The following N4BP3 variants were observed in gnomAD, a reference collection of about 807,000 sequenced individuals.
N4BP3 encodes NEDD4-binding protein 3.
Under a neutral mutation model 43.8 loss-of-function variants are expected in N4BP3, and 33 were observed. That is an observed-to-expected ratio of 0.75 (90% CI 0.57 to 1.01). N4BP3 has a LOEUF of 1.01. Ranked by LOEUF, N4BP3 falls within the 50% of genes least tolerant of loss-of-function variation. The pLI is 0.00. For synonymous variants in N4BP3, 326 were observed against 321.9 expected (o/e 1.01, Z -0.14); for missense variants, 756 against 744.2 (o/e 1.02, Z -0.18).
At position 178,113,644 on chromosome 5, in the gene N4BP3, C is replaced by A. The variant is rs550408569; in HGVS notation, c.-158C>A. ...CGCGTTTTCCCGGCGCCTGCCGCTC[C>A]GCCGCTCCGACCCGGCACGCAGTCC... On this transcript the variant is annotated 5_prime_UTR_variant, in exon 1 of 5. Coordinates refer to ENST00000274605, the MANE Select transcript of N4BP3 (RefSeq NM_015111.2). 3 of 151,994 alleles carry A rather than the reference C, an allele frequency of 2.0e-5. No homozygotes were observed. The East Asian group carries it at 5.8e-4, about 29-fold the overall frequency. The allele number at this position is 151,994 out of a possible 1,614,324, so 9.4% of individuals were successfully genotyped here.
intron 3 of N4BP3, 55 bp from the exon 4 acceptor site, chr5:178,121,043 C>CT (rs1158967733): frequency 1.3e-6 from 2 of 1,559,302 alleles, no homozygotes; most frequent in Admixed American, 1.8e-5. Context: ...AGGTGGAGCT[C>CT]TGAGTCGCCT....
rs779777388 is a variant in N4BP3, at chr5:178,121,636, G to C, written c.1270G>C (p.Glu424Gln). ...AQDAELVRLR[E>Q]AVRSLQEQAP... is the part of the protein sequence containing the mutation. Reference sequence around the variant, plus strand: ...GGACGCAGAGCTGGTCCGGCTGCGCGAGGCTGTGCGCAGCCTGCAGGAGCA... The same window carrying C: ...GGACGCAGAGCTGGTCCGGCTGCGCCAGGCTGTGCGCAGCCTGCAGGAGCA... The change falls in exon 5 of 5, where the codon GAG (glutamate) becomes CAG (glutamine). Residue 424 changes from glutamate (E) to glutamine (Q), a missense_variant. Glu to Gln is a conservative substitution (Grantham distance 29, BLOSUM62 2). Transcript: ENST00000274605. The C allele has an allele frequency of 1.2e-6, 2 of 1,612,572 alleles. No individual in the cohort carries two copies. The highest frequency in any genetic ancestry group is 1.7e-6 in the Non-Finnish European group (2 of 1,179,880).
At chr5:178,126,265 G>A (rs1758062808), downstream of N4BP3, among the ~76,000 whole-genome samples, 1 of 107,298 alleles carries the variant, frequency 9.3e-6, no homozygotes, top group Admixed American at 1.1e-4. Flanking sequence ...TGCAACCTCC[G>A]CCTCCCGAGT....
In N4BP3 at chr5:178,118,532, G is replaced by A. The variant is rs1169567645; in HGVS notation, c.-30-1022G>A. Among the ~76,000 whole-genome samples the A allele has an allele frequency of 6.6e-6, 1 of 152,174 alleles. No individual in the cohort carries two copies. Among genetic ancestry groups the A allele is most frequent in the Non-Finnish European group, 1.5e-5 (1 of 68,036 alleles). ...TAAGAGCATATACAGGGGCTGGAGT[G>A]AGTCCAGCTGCCCCTTCCCTCCTCC... is the stretch of plus-strand genomic sequence containing the variant. On this transcript the variant is annotated intron_variant, in intron 1 of 4. Coordinates refer to ENST00000274605, the MANE Select transcript of N4BP3 (RefSeq NM_015111.2). This position sits in a 1 kb window ranked among gnomAD's most constrained non-coding sequence, Gnocchi z 5.4.
Position 178,125,013 on chromosome 5 carries a change from G to A in N4BP3, c.*3012G>A, listed in dbSNP as rs1459849153. On this transcript the variant is annotated 3_prime_UTR_variant, in exon 5 of 5. Transcript: ENST00000274605. ...GCTCCAGAAGGCACTGGTGGGATGT[G>A]GAGTCAGGAGCAACCAGAGACCCCC... 6.6e-6 allele frequency: 1 copy of A among 152,306 alleles called. No individual in the cohort carries two copies. The highest frequency in any genetic ancestry group is 1.5e-5 in the Non-Finnish European group (1 of 68,092). The allele number at this position is 152,306 out of a possible 1,614,324, so 9.4% of individuals were successfully genotyped here. A position where few individuals can be genotyped will look rare whatever the true frequency, so the allele number is the denominator to read the frequency against.
At chr5:178,126,443 G>A (rs1196417677), downstream of N4BP3, among the ~76,000 whole-genome samples, 2 of 152,190 alleles carry the variant, frequency 1.3e-5, no homozygotes, top group Non-Finnish European at 2.9e-5. Flanking sequence ...CTCCCAAAGT[G>A]CTCGGATTAT....
Position 178,120,501 on chromosome 5 carries a change from C to G in N4BP3, c.654C>G (p.Leu218=). The stretch of plus-strand genomic sequence containing the variant: ...CCTCCCTTGGCCACCTTAACCACCT[C>G]GGGGGCTCCCTGGACCGGGCCTCTC... ...FSSSLGHLNH[L]GGSLDRASQG... The change falls in exon 3 of 5, where the codon CTC becomes CTG. Residue 218 remains leucine (L), a synonymous_variant. Coordinates refer to ENST00000274605, the MANE Select transcript of N4BP3 (RefSeq NM_015111.2). 5 of 1,613,078 alleles carry G rather than the reference C, an allele frequency of 3.1e-6. No homozygotes were observed. Among genetic ancestry groups the G allele is most frequent in the Non-Finnish European group, 4.2e-6 (5 of 1,180,028 alleles).
intron 3 of N4BP3, 122 bp from the exon 4 acceptor site, chr5:178,120,976 T>C: frequency 7.4e-7 from 1 of 1,350,686 alleles, no homozygotes; most frequent in Non-Finnish European, 9.8e-7. Context: ...TTAAAGCGCA[T>C]GTGTGGCTGG....
Position 178,120,495 on chromosome 5 carries a change from C to G in N4BP3, c.648C>G (p.Asn216Lys), listed in dbSNP as rs1457118056. The G allele has an allele frequency of 1.2e-5, 19 of 1,612,986 alleles. No individual in the cohort carries two copies. Among genetic ancestry groups the G allele is most frequent in the Non-Finnish European group, 1.6e-5 (19 of 1,180,040 alleles). Reference sequence around the variant, plus strand: ...TCAGCTCCTCCCTTGGCCACCTTAACCACCTCGGGGGCTCCCTGGACCGGG... The same window carrying G: ...TCAGCTCCTCCCTTGGCCACCTTAAGCACCTCGGGGGCTCCCTGGACCGGG... ...SPFSSSLGHLNHLGGSLDRAS... is the reference protein window; with the variant it reads ...SPFSSSLGHLKHLGGSLDRAS... The change falls in exon 3 of 5, where the codon AAC becomes AAG. Residue 216 changes from asparagine to lysine, a missense_variant. Asn to Lys is a moderately conservative substitution (Grantham distance 94). Transcript: ENST00000274605.
chr5:178,121,385 C>T (rs775173273), intron 4 of N4BP3, 33 bp downstream of exon 4: 1 of 1,609,932 alleles, frequency 6.2e-7, no homozygotes, highest in Non-Finnish European at 8.5e-7. Context: ...GAGACTCTCC[C>T]ATCTCCATTG....
chr5:178,114,856 C>A (rs933887391), intron 1 of N4BP3, among the ~76,000 whole-genome samples: 1 of 152,184 alleles, frequency 6.6e-6, no homozygotes, highest in Non-Finnish European at 1.5e-5. Context: ...CCTGGTGGAC[C>A]GCAGTCTAGG....
rs1757896864 is a variant in N4BP3 at position 178,120,618 on chromosome 5, A to C, written c.771A>C (p.Glu257Asp). ...AGTTCTCCTGCTCCTCTGCCGAGGA[A>C]ATGGGAGCCGTGCTGCCCGAGACCT... The part of the protein sequence containing the change: ...PYEFSCSSAE[E>D]MGAVLPETCE... The change falls in exon 3 of 5, where the codon GAA (glutamate) becomes GAC (aspartate). Residue 257 changes from glutamate (E) to aspartate (D), a missense_variant. Physicochemically the swap from Glu to Asp is conservative, Grantham distance 45. Transcript: ENST00000274605. The C allele has an allele frequency of 6.2e-7, 1 of 1,610,764 alleles. No individual in the cohort carries two copies. Among genetic ancestry groups the C allele is most frequent in the Non-Finnish European group, 8.5e-7 (1 of 1,179,962 alleles).
chr5:178,114,860 G>A (rs986758276), intron 1 of N4BP3, among the ~76,000 whole-genome samples: 42 of 152,382 alleles, frequency 2.8e-4, no homozygotes, highest in Middle Eastern at 3.4e-3. Context: ...GTGGACCGCA[G>A]TCTAGGGCAG....
At chr5:178,115,525 C>T (rs1230862350) in intron 1 of N4BP3, among the ~76,000 whole-genome samples, 1 of 152,230 alleles carries the variant, frequency 6.6e-6, no homozygotes, top group Admixed American at 6.5e-5. Context: ...GAATGTCCCA[C>T]CCCAGAGGAG....
rs1049620252 is a variant in N4BP3, at chr5:178,122,911, AG to A, written c.*911del. The A allele has an allele frequency of 6.6e-6, 1 of 152,250 alleles. No individual in the cohort carries two copies. Among genetic ancestry groups the A allele is most frequent in the Non-Finnish European group, 1.5e-5 (1 of 68,078 alleles). The allele number at this position is 152,250 out of a possible 1,614,324, so 9.4% of individuals were successfully genotyped here. The stretch of plus-strand genomic sequence containing the variant: ...GGCAAGCTTATGGGTTTCTTGGTAA[AG>A]AGCCTTTACCACAGCAAGGAATGGG... On this transcript the variant is annotated 3_prime_UTR_variant, in exon 5 of 5. Transcript: ENST00000274605.
intron 2 of N4BP3, 83 bp downstream of exon 2, chr5:178,119,996 C>T (rs1007389627): frequency 2.2e-5 from 32 of 1,487,654 alleles, no homozygotes; most frequent in Middle Eastern, 3.6e-4. Context: ...GGGGTGGGGA[C>T]GGGGCATGCT....
At position 178,118,150 on chromosome 5, in the gene N4BP3, G is replaced by A. The variant is rs1220065115; in HGVS notation, c.-30-1404G>A. Among the ~76,000 whole-genome samples the A allele has an allele frequency of 1.3e-5, 2 of 152,200 alleles. No individual in the cohort carries two copies. The highest frequency in any genetic ancestry group is 2.9e-5 in the Non-Finnish European group (2 of 68,028). ...CACGCCCGCTCCATGCTGGGCACTG[G>A]GCTGTGCAGAGGATCCCCAGGGGAC... is the stretch of plus-strand genomic sequence containing the variant. On this transcript the variant is annotated intron_variant, in intron 1 of 4. Transcript: ENST00000274605. This position sits in a 1 kb window ranked among gnomAD's most constrained non-coding sequence, Gnocchi z 5.4.
Position 178,121,792 on chromosome 5 carries a change from C to A in N4BP3, c.1426C>A (p.Arg476=), listed in dbSNP as rs1561618885. 2 of 1,608,610 alleles carry A rather than the reference C, an allele frequency of 1.2e-6. No individual in the cohort carries two copies. Among genetic ancestry groups the A allele is most frequent in the Admixed American group, 1.7e-5 (1 of 59,782 alleles). Residue 476 remains arginine (R), a synonymous_variant, in exon 5 of 5, where the codon CGA becomes AGA. Coordinates refer to ENST00000274605, the MANE Select transcript of N4BP3 (RefSeq NM_015111.2). ...GCTGCGGGCTGAGCTGCTGCAGGAG[C>A]GACTTCGGGGCCAGGAGCAGGCGCT... is the stretch of plus-strand genomic sequence containing the variant. ...EQLRAELLQE[R]LRGQEQALRF... is the part of the protein sequence containing the mutation.
At position 178,120,350 on chromosome 5, in the gene N4BP3, G is replaced by T. The variant is rs1453449792; in HGVS notation, c.503G>T (p.Arg168Leu). Residue 168 changes from arginine (R) to leucine (L), a missense_variant, in exon 3 of 5, where the codon CGG becomes CTG. Physicochemically the swap from Arg to Leu is moderately radical, Grantham distance 102. Coordinates refer to ENST00000274605, the MANE Select transcript of N4BP3 (RefSeq NM_015111.2). Reference protein sequence around the residue: ...LSPGPRASQARAQLLHALSLD... With the variant: ...LSPGPRASQALAQLLHALSLD... ...CCCGGGCCCCGGGCCAGCCAGGCCCGGGCACAGCTGCTGCACGCCCTCAGC... is the reference window on the plus strand; with the variant it reads ...CCCGGGCCCCGGGCCAGCCAGGCCCTGGCACAGCTGCTGCACGCCCTCAGC... 3 of 1,607,916 alleles carry T rather than the reference G, an allele frequency of 1.9e-6. 1 individual carries two copies. Among genetic ancestry groups the T allele is most frequent in the South Asian group, 2.2e-5 (2 of 90,882 alleles).
Sources: allele counts gnomAD v4.1 joint callset (sites outside exome capture counted in the v4.1 genomes callset), GRCh38; gene constraint gnomAD v4.1.1; non-coding constraint Gnocchi (gnomAD v3.1); transcripts MANE v1.5; gene names NCBI Gene and HGNC (gene_info 2026-07-23, HGNC 2026-07-21).